The following PRR5L variants were observed in gnomAD, a reference collection of about 807,000 sequenced individuals.
PRR5L encodes the protein proline-rich protein 5-like.
Under a neutral mutation model 36.4 loss-of-function variants are expected in PRR5L, and 21 were observed. That is an observed-to-expected ratio of 0.58 (90% CI 0.41 to 0.83). PRR5L has a LOEUF of 0.83. PRR5L is among the 40% of genes least tolerant of loss of function. The pLI is 0.00. For missense variants in PRR5L, 381 were observed against 473.3 expected (o/e 0.80, Z 1.81); for synonymous variants, 188 against 197.0 (o/e 0.95, Z 0.38).
chr11:36,350,980 T>TTATATATTTATATATTTA lies in PRR5L; in HGVS notation c.-125-50002_-125-49985dup, dbSNP rs1565406586. 4.9e-3 allele frequency among the ~76,000 whole-genome samples: 211 copies of TTATATATTTATATATTTA among 43,362 alleles called. 31 individuals are homozygous for TTATATATTTATATATTTA. The highest frequency in any genetic ancestry group is 6.2e-3 in the Non-Finnish European group (160 of 25,678). 28.4% of individuals were successfully genotyped at this position (43,362 alleles called of 152,430 possible). A position where few individuals can be genotyped will look rare whatever the true frequency, so the allele number is the denominator to read the frequency against. On this transcript the variant is annotated intron_variant, in intron 1 of 8. Transcript: ENST00000530639. The stretch of plus-strand genomic sequence containing the variant: ...TATATATTTATATATTTATATATAT[T>TTATATATTTATATATTTA]TATATATTTATATATTTATATATAT...
chr11:36,302,403 G>T (rs1856386218), intron 1 of PRR5L, among the ~76,000 whole-genome samples: 1 of 152,120 alleles, frequency 6.6e-6, no homozygotes, highest in Admixed American at 6.5e-5. Flanking sequence ...CCAAGAGATG[G>T]GAAGAGAAAG....
chr11:36,374,863 C>G (rs1436039542), intron 1 of PRR5L, among the ~76,000 whole-genome samples: 1 of 152,154 alleles, frequency 6.6e-6, no homozygotes, highest in East Asian at 1.9e-4. Context: ...GCTGTGGAGA[C>G]CTTGCCATTT....
chr11:36,313,794 T>G (rs1056929785), intron 1 of PRR5L, among the ~76,000 whole-genome samples: 2 of 152,200 alleles, frequency 1.3e-5, no homozygotes, highest in African/African-American at 2.4e-5. Flanking sequence ...CATGGTCAAC[T>G]CAGGAACTAG....
chr11:36,425,235 C>T (rs940629265), intron 4 of PRR5L, among the ~76,000 whole-genome samples: 6 of 152,202 alleles, frequency 3.9e-5, no homozygotes, highest in Non-Finnish European at 7.3e-5. Flanking sequence ...CTGATGAGGA[C>T]GGTTCTGTTA....
chr11:36,355,925 T>C (rs1363103448), intron 1 of PRR5L, among the ~76,000 whole-genome samples: 4 of 151,722 alleles, frequency 2.6e-5, no homozygotes, highest in Non-Finnish European at 5.9e-5. Flanking sequence ...CTTTTTTTTT[T>C]CTTTTTGAGA....
At chr11:36,337,598 A>G (rs1004317477) in intron 1 of PRR5L, among the ~76,000 whole-genome samples, 1 of 152,214 alleles carries the variant, frequency 6.6e-6, no homozygotes, top group African/African-American at 2.4e-5. Context: ...GCACATGCTC[A>G]TTTATTCTTC....
chr11:36,335,354 C>G (rs1856758697), intron 1 of PRR5L, among the ~76,000 whole-genome samples: 2 of 152,102 alleles, frequency 1.3e-5, no homozygotes, highest in Admixed American at 1.3e-4. Flanking sequence ...CATGAGCCAC[C>G]ATGCTTGGCT....
chr11:36,412,881 T>C (rs1450830516), intron 3 of PRR5L, among the ~76,000 whole-genome samples: 1 of 152,110 alleles, frequency 6.6e-6, no homozygotes, highest in East Asian at 1.9e-4. Context: ...GTCTAACACA[T>C]AACATTATGT....
At chr11:36,362,828 G>C (rs557224474) in intron 1 of PRR5L, among the ~76,000 whole-genome samples, 1 of 152,234 alleles carries the variant, frequency 6.6e-6, no homozygotes, top group South Asian at 2.1e-4. Flanking sequence ...ACTGATCACT[G>C]TAACAAGAGG....
chr11:36,351,555 TTATATATTTATATATTTATATAAA>T (rs1259177026), intron 1 of PRR5L, among the ~76,000 whole-genome samples: 1 of 2,698 alleles, frequency 3.7e-4, no homozygotes, highest in Admixed American at 5.6e-3. Context: ...TTATATATAT[TTATATATTTATATATTTATATAAA>T]TATATATTTA....
rs146471059 is a variant in PRR5L at position 36,361,794 on chromosome 11, T to C, written c.-125-39203T>C. On this transcript the variant is annotated intron_variant, in intron 1 of 8. Transcript: ENST00000530639. ...ACTTGTTTTTACTTGTTTTTCTCCT[T>C]TGTTTTAGAGCAGCAGGTTCTAGGT... is the stretch of plus-strand genomic sequence containing the variant. 4.6e-3 allele frequency among the ~76,000 whole-genome samples: 703 copies of C among 152,310 alleles called. 2 individuals carry two copies. Among genetic ancestry groups the C allele is most frequent in the Middle Eastern group, 0.02 (6 of 294 alleles).
Position 36,462,934 on chromosome 11 carries a change from G to C in PRR5L, c.*198G>C. 2.0e-6 allele frequency: 1 copy of C among 501,118 alleles called. No homozygotes were observed. The highest frequency in any genetic ancestry group is 3.4e-6 in the Non-Finnish European group (1 of 294,842). The allele number at this position is 501,118 out of a possible 1,614,324, so 31.0% of individuals were successfully genotyped here. A position where few individuals can be genotyped will look rare whatever the true frequency, so the allele number is the denominator to read the frequency against. On this transcript the variant is annotated 3_prime_UTR_variant, in exon 9 of 9. Transcript: ENST00000530639. ...TTTTGGTGACTGTGACCACTTCTTT[G>C]TAGCCACCAATTGTAGTGACCAGTT...
chr11:36,433,605 A>G (rs1171348405), intron 5 of PRR5L, among the ~76,000 whole-genome samples: 1 of 152,166 alleles, frequency 6.6e-6, no homozygotes, highest in African/African-American at 2.4e-5. Context: ...GCTGGAGTAC[A>G]GTGGCATGAT....
chr11:36,447,852 AG>A (rs1046482486), intron 7 of PRR5L, among the ~76,000 whole-genome samples: 1 of 152,224 alleles, frequency 6.6e-6, no homozygotes, highest in African/African-American at 2.4e-5. Flanking sequence ...ATGGAGAAGG[AG>A]GGGGATAGAA....
At chr11:36,379,174 G>GT (rs1423856577) in intron 1 of PRR5L, among the ~76,000 whole-genome samples, 2 of 152,176 alleles carry the variant, frequency 1.3e-5, no homozygotes, top group African/African-American at 4.8e-5. Context: ...TTGACTTAAT[G>GT]TATCTTCAGC....
chr11:36,308,842 G>A (rs1018186300), intron 1 of PRR5L, among the ~76,000 whole-genome samples: 1 of 152,214 alleles, frequency 6.6e-6, no homozygotes, highest in African/African-American at 2.4e-5. Flanking sequence ...ACAGCCAACA[G>A]AAGAGCATAA....
At chr11:36,341,821 A>C (rs1349928917) in intron 1 of PRR5L, among the ~76,000 whole-genome samples, 2 of 152,208 alleles carry the variant, frequency 1.3e-5, no homozygotes, top group African/African-American at 2.4e-5. Context: ...CTGAGATGTC[A>C]GGTGGGCTTT....
intron 1 of PRR5L, among the ~76,000 whole-genome samples, chr11:36,299,511 G>A (rs987244820): frequency 2.6e-5 from 4 of 152,186 alleles, no homozygotes. Flanking sequence ...TGTCAGCCCT[G>A]CATGATGGCC....
chr11:36,346,580 C>T (rs1252891170), intron 1 of PRR5L, among the ~76,000 whole-genome samples: 1 of 150,290 alleles, frequency 6.7e-6, no homozygotes, highest in Non-Finnish European at 1.5e-5. Flanking sequence ...GAGACTCCAT[C>T]TCAAAGAAAA....
Sources: gnomAD v4.1 joint callset for allele counts (sites outside exome capture counted in the v4.1 genomes callset) on GRCh38, gnomAD v4.1.1 for gene constraint, MANE v1.5 for transcripts, NCBI Gene and HGNC (gene_info 2026-07-23, HGNC 2026-07-21) for gene names.